Variants in NTRK3 observed in about 807,000 individuals in gnomAD.
NTRK3 encodes the protein neurotrophic receptor tyrosine kinase 3.
A neutral mutation model predicts 91.7 loss-of-function variants in NTRK3; 24 were observed. The ratio of observed to expected loss-of-function variants is 0.26; its 90% CI spans 0.19 to 0.37. The LOEUF is 0.37. NTRK3 is among the 10% of genes least tolerant of loss of function. The probability of loss-of-function intolerance (pLI) is 1.00; values close to 1 mark genes in which losing one functional copy is unlikely to be tolerated. For missense variants in NTRK3, 880 were observed against 1,068.9 expected (o/e 0.82, Z 2.46); for synonymous variants, 483 against 404.0 (o/e 1.20, Z -2.34).
At chr15:87,981,255 C>T (rs2074241043) in intron 14 of NTRK3, 1 of 1,590,282 alleles carries the variant, frequency 6.3e-7, no homozygotes, top group South Asian at 1.1e-5. Flanking sequence ...CACTTCCCCA[C>T]TCTGGACCTC....
intron 3 of NTRK3, among the ~76,000 whole-genome samples, chr15:88,185,251 C>T (rs2046852797): frequency 6.6e-6 from 1 of 152,210 alleles, no homozygotes; most frequent in Non-Finnish European, 1.5e-5. Context: ...TCACTATTAA[C>T]CAGAGCTTTT....
chr15:88,216,297 T>C (rs1190059906), intron 3 of NTRK3, among the ~76,000 whole-genome samples: 3 of 152,128 alleles, frequency 2.0e-5, no homozygotes, highest in African/African-American at 7.2e-5. Context: ...CGAAATCAGA[T>C]GGAATATCTT....
chr15:87,929,667 A>C (rs574076048), intron 16 of NTRK3, among the ~76,000 whole-genome samples: 3 of 152,356 alleles, frequency 2.0e-5, no homozygotes, highest in Admixed American at 2.0e-4. Flanking sequence ...ACTCAAATGG[A>C]AGAGGGAATA....
intron 14 of NTRK3, chr15:87,981,473 T>C: frequency 2.7e-6 from 4 of 1,465,878 alleles, no homozygotes; most frequent in Non-Finnish European, 3.8e-6. Flanking sequence ...GAAATCCAGG[T>C]TTCTCAGCTC....
intron 17 of NTRK3, chr15:87,916,684 AT>A (rs958798759): frequency 2.7e-5 from 18 of 661,062 alleles, no homozygotes; most frequent in Middle Eastern, 4.9e-4. Flanking sequence ...AGGGGGCTAA[AT>A]ATTTTTATTC....
At chr15:88,081,635 G>A (rs1180232920) in intron 13 of NTRK3, among the ~76,000 whole-genome samples, 1 of 152,202 alleles carries the variant, frequency 6.6e-6, no homozygotes, top group Admixed American at 6.5e-5. Context: ...GGCTGTGTGG[G>A]CAGTGCCCCC....
At chr15:88,115,072 G>A (rs2051886348) in intron 13 of NTRK3, among the ~76,000 whole-genome samples, 1 of 152,204 alleles carries the variant, frequency 6.6e-6, no homozygotes, top group South Asian at 2.1e-4. Context: ...AGTGGAGTCA[G>A]TAGGCATGGG....
intron 17 of NTRK3, chr15:87,916,312 A>G: frequency 2.5e-6 from 1 of 401,792 alleles, no homozygotes; most frequent in South Asian, 7.1e-5. Flanking sequence ...TCTCAGGAAA[A>G]AAAAAAAAAA....
intron 14 of NTRK3, among the ~76,000 whole-genome samples, chr15:88,023,078 G>T (rs2077721679): frequency 6.6e-6 from 1 of 152,108 alleles, no homozygotes; most frequent in South Asian, 2.1e-4. Context: ...CCAGGAATGG[G>T]GGAAAAATGT....
intron 13 of NTRK3, among the ~76,000 whole-genome samples, chr15:88,116,813 G>A (rs2052138037): frequency 6.6e-6 from 1 of 152,168 alleles, no homozygotes; most frequent in South Asian, 2.1e-4. Context: ...GATATAGGAT[G>A]GTGGTTCCTA....
chr15:87,897,617 C>T (rs1197681241), intron 17 of NTRK3, among the ~76,000 whole-genome samples: 1 of 151,968 alleles, frequency 6.6e-6, no homozygotes, highest in African/African-American at 2.4e-5. Context: ...GTTATAATAC[C>T]ATATTCGTAA....
At chr15:88,020,221 C>G (rs2141875563) in intron 14 of NTRK3, among the ~76,000 whole-genome samples, 1 of 152,248 alleles carries the variant, frequency 6.6e-6, no homozygotes, top group South Asian at 2.1e-4. Flanking sequence ...AACAAAAACA[C>G]AAACAAAAGA....
At chr15:88,158,643 A>G (rs2044145088) in intron 5 of NTRK3, among the ~76,000 whole-genome samples, 1 of 152,192 alleles carries the variant, frequency 6.6e-6, no homozygotes, top group South Asian at 2.1e-4. Flanking sequence ...GTGGGTGGGC[A>G]TTGCTCCTTG....
intron 13 of NTRK3, among the ~76,000 whole-genome samples, chr15:88,093,828 C>T (rs1344610398): frequency 2.0e-5 from 3 of 152,086 alleles, no homozygotes; most frequent in East Asian, 3.9e-4. Flanking sequence ...GGGGGGGTTG[C>T]TATAAAGTTA....
At chr15:87,954,016 G>C (rs12440508) in intron 14 of NTRK3, among the ~76,000 whole-genome samples, 1 of 113,118 alleles carries the variant, frequency 8.8e-6, no homozygotes, top group Non-Finnish European at 1.7e-5. Flanking sequence ...CAGTGTGTGT[G>C]TGTGTGTGTG....
intron 6 of NTRK3, among the ~76,000 whole-genome samples, chr15:88,138,555 C>T (rs1482689001): frequency 6.6e-6 from 1 of 152,146 alleles, no homozygotes; most frequent in Non-Finnish European, 1.5e-5. Flanking sequence ...CATCTTCCCT[C>T]ACTCCCTCCT....
At position 88,234,592 on chromosome 15, in the gene NTRK3, A is replaced by G. The variant is rs1389122206; in HGVS notation, c.248+21314T>C. 2.0e-5 allele frequency among the ~76,000 whole-genome samples: 3 copies of G among 152,026 alleles called. No individual in the cohort carries two copies. The highest frequency in any genetic ancestry group is 4.4e-5 in the Non-Finnish European group (3 of 67,992). The stretch of plus-strand genomic sequence containing the variant: ...AGTGCCTGCTCATCCCTCCAGTTCC[A>G]GCTCAGTTGCCCCTTCCTCTGGGGA... On this transcript the variant is annotated intron_variant, in intron 3 of 18. Transcript: ENST00000394480. This position sits in a 1 kb window ranked among gnomAD's most constrained non-coding sequence, Gnocchi z 6.1.
chr15:87,933,136 C>T lies in NTRK3; in HGVS notation c.1765G>A (p.Ala589Thr), dbSNP rs1195860832. ...TGCTGCAGGTTGGTGAGCAGCTCGGCCTCCCTCTGGAAATCCTTCCGGGCA... is the reference window on the plus strand; with the variant it reads ...TGCTGCAGGTTGGTGAGCAGCTCGGTCTCCCTCTGGAAATCCTTCCGGGCA... Residue 589 changes from alanine (A) to threonine (T), a missense_variant, in exon 16 of 19, where the codon GCC becomes ACC. This residue lies in a region of NTRK3 where 743 missense variants were observed against 868.6 expected (regional missense o/e 0.86). Coordinates refer to ENST00000394480, the Ensembl canonical transcript of NTRK3. 9.3e-6 allele frequency: 15 copies of T among 1,614,122 alleles called. No homozygotes were observed. Among genetic ancestry groups the T allele is most frequent in the Non-Finnish European group, 1.3e-5 (15 of 1,180,036 alleles).
At chr15:87,910,778 C>T (rs1273914293) in intron 17 of NTRK3, among the ~76,000 whole-genome samples, 1 of 152,056 alleles carries the variant, frequency 6.6e-6, no homozygotes, top group East Asian at 1.9e-4. Context: ...AGGCATTCAA[C>T]AAGAATACTA....
Sources: allele counts gnomAD v4.1 joint callset (sites outside exome capture counted in the v4.1 genomes callset), GRCh38; gene constraint gnomAD v4.1.1; regional missense constraint gnomAD v4.1.1; non-coding constraint Gnocchi (gnomAD v3.1); transcripts MANE v1.5; gene names NCBI Gene and HGNC (gene_info 2026-07-23, HGNC 2026-07-21).